TRIQK: variants seen among roughly 807,000 people sequenced by gnomAD.
TRIQK encodes the protein triple QxxK/R motif containing, also known as triple QxxK/R motif-containing protein.
TRIQK carries 10 observed loss-of-function variants against 10.8 expected under a neutral mutation model. That is an observed-to-expected ratio of 0.92 (90% CI 0.57 to 1.57). The LOEUF (loss-of-function observed/expected upper bound fraction) is 1.57. TRIQK is among the 40% of genes most tolerant of loss of function. The pLI, the probability that TRIQK is intolerant of heterozygous loss-of-function variation, is 0.00. For missense variants in TRIQK, 107 were observed against 97.7 expected (o/e 1.09, Z -0.40); for synonymous variants, 33 against 33.7 (o/e 0.98, Z 0.07).
At chr8:92,959,661 T>C (rs1378901718) in intron 1 of TRIQK, among the ~76,000 whole-genome samples, 1 of 152,052 alleles carries the variant, frequency 6.6e-6, no homozygotes, top group Non-Finnish European at 1.5e-5. Context: ...AAAAATATCT[T>C]AAATCGAAAA....
At chr8:92,892,197 C>G in intron 3 of TRIQK, 123 bp from the exon 4 acceptor site, 9 of 634,570 alleles carry the variant, frequency 1.4e-5, no homozygotes, top group Non-Finnish European at 2.3e-5. Context: ...AAAGTAGTTC[C>G]CAGTTGTGGT....
chr8:92,930,390 C>CAAA (rs66513185), intron 2 of TRIQK, among the ~76,000 whole-genome samples: 17 of 47,140 alleles, frequency 3.6e-4, no homozygotes, highest in East Asian at 1.4e-3. Context: ...ACTAGGTCTC[C>CAAA]AAAAAAAAAA....
intron 3 of TRIQK, among the ~76,000 whole-genome samples, chr8:92,914,873 T>A (rs1052729850): frequency 5.3e-5 from 8 of 152,108 alleles, no homozygotes; most frequent in Admixed American, 1.3e-4. Context: ...CCTAGGTATA[T>A]ACCCAAAGAA....
At chr8:92,887,799 A>G (rs970658162) in intron 4 of TRIQK, among the ~76,000 whole-genome samples, 8 of 151,672 alleles carry the variant, frequency 5.3e-5, no homozygotes, top group Non-Finnish European at 1.2e-4. Context: ...GAATTTTTAC[A>G]TGAATGTTGA....
intron 1 of TRIQK, among the ~76,000 whole-genome samples, chr8:92,977,199 G>A (rs573914849): frequency 2.0e-5 from 3 of 152,050 alleles, no homozygotes; most frequent in African/African-American, 7.2e-5. Flanking sequence ...CCTTTTGTAT[G>A]TCTAAATAAG....
In TRIQK at chr8:92,940,334, TAA is replaced by T. The variant is rs56063230; in HGVS notation, c.-22+14070_-22+14071del. On this transcript the variant is annotated intron_variant, in intron 2 of 4. Coordinates refer to ENST00000521988, the MANE Select transcript of TRIQK (RefSeq NM_001171797.2). The stretch of plus-strand genomic sequence containing the variant: ...ACTTAGAGTTGCTGAATAGATTTAA[TAA>T]AAAAAAAAAAAAAAAGACCCAACTG... Among the ~76,000 whole-genome samples the T allele has an allele frequency of 8.5e-3, 1,112 of 130,306 alleles. 7 individuals carry two copies. The highest frequency in any genetic ancestry group is 0.02 in the African/African-American group (684 of 34,544). The allele number at this position is 130,306 out of a possible 152,430, so 85.5% of individuals were successfully genotyped here. A position where few individuals can be genotyped will look rare whatever the true frequency, so the allele number is the denominator to read the frequency against.
intron 3 of TRIQK, among the ~76,000 whole-genome samples, chr8:92,894,211 C>T (rs911798539): frequency 1.3e-5 from 2 of 151,990 alleles, no homozygotes; most frequent in African/African-American, 4.8e-5. Flanking sequence ...TAGCATTCTC[C>T]TTGTCGACTA....
intron 1 of TRIQK, among the ~76,000 whole-genome samples, chr8:93,006,800 C>T (rs1308521973): frequency 2.0e-5 from 3 of 152,150 alleles, no homozygotes. Context: ...TGTGGGGCCT[C>T]CCTACAAGAA....
intron 2 of TRIQK, among the ~76,000 whole-genome samples, chr8:92,939,133 A>G (rs1228012013): frequency 6.6e-6 from 1 of 152,196 alleles, no homozygotes; most frequent in Non-Finnish European, 1.5e-5. Flanking sequence ...TGAGAGGAGA[A>G]AGAGAGTTAA....
intron 2 of TRIQK, among the ~76,000 whole-genome samples, chr8:92,942,165 AC>A (rs1811301890): frequency 6.6e-6 from 1 of 152,304 alleles, no homozygotes; most frequent in East Asian, 1.9e-4. Flanking sequence ...AAAATCCTCA[AC>A]AAAATACTAG....
At chr8:92,995,380 C>G (rs548649179) in intron 1 of TRIQK, among the ~76,000 whole-genome samples, 69 of 152,050 alleles carry the variant, frequency 4.5e-4, no homozygotes, top group Non-Finnish European at 8.7e-4. Flanking sequence ...GGAATCTTGT[C>G]AGAATATGTG....
chr8:92,957,392 GAAGT>G (rs1409486556), intron 1 of TRIQK, among the ~76,000 whole-genome samples: 9 of 151,608 alleles, frequency 5.9e-5, no homozygotes, highest in Non-Finnish European at 8.9e-5. Context: ...AGAATGAAAT[GAAGT>G]ATTTTTATGA....
intron 1 of TRIQK, among the ~76,000 whole-genome samples, chr8:92,996,482 G>A (rs1813154615): frequency 6.6e-6 from 1 of 152,014 alleles, no homozygotes; most frequent in Non-Finnish European, 1.5e-5. Flanking sequence ...GAGGAATAGT[G>A]TTGAGCATTA....
intron 2 of TRIQK, chr8:92,953,447 A>T (rs560408538): frequency 3.7e-4 from 57 of 152,164 alleles, no homozygotes; most frequent in African/African-American, 1.3e-3. Flanking sequence ...AGATAGTGAT[A>T]AAAATTATAG....
At chr8:92,914,455 A>G (rs1809725279) in intron 3 of TRIQK, among the ~76,000 whole-genome samples, 1 of 152,230 alleles carries the variant, frequency 6.6e-6, no homozygotes, top group African/African-American at 2.4e-5. Flanking sequence ...AATCTACAAA[A>G]TGGGAGAAAA....
upstream of TRIQK, among the ~76,000 whole-genome samples, chr8:92,968,447 A>T (rs1812839324): frequency 6.6e-6 from 1 of 152,128 alleles, no homozygotes; most frequent in South Asian, 2.1e-4. Context: ...ATTTCTCCAC[A>T]TCCTCTCCAG....
At chr8:92,936,188 T>C (rs1231150585) in intron 2 of TRIQK, among the ~76,000 whole-genome samples, 1 of 151,642 alleles carries the variant, frequency 6.6e-6, no homozygotes, top group Non-Finnish European at 1.5e-5. Flanking sequence ...TACAAGCCAA[T>C]CTTATTTATG....
chr8:92,984,730 G>A (rs776058810), intron 1 of TRIQK, among the ~76,000 whole-genome samples: 4 of 152,028 alleles, frequency 2.6e-5, no homozygotes, highest in Non-Finnish European at 5.9e-5. Context: ...AGATATGCCA[G>A]TTTTATGAAA....
intron 1 of TRIQK, among the ~76,000 whole-genome samples, chr8:92,980,010 G>A (rs1227118973): frequency 2.0e-5 from 3 of 151,882 alleles, no homozygotes; most frequent in Admixed American, 6.6e-5. Context: ...CAACAATAGA[G>A]GGTGTCTTCA....
Sources: allele counts gnomAD v4.1 joint callset (sites outside exome capture counted in the v4.1 genomes callset), GRCh38; gene constraint gnomAD v4.1.1; transcripts MANE v1.5; gene names NCBI Gene and HGNC (gene_info 2026-07-23, HGNC 2026-07-21).